Variants in POLG observed in about 807,000 individuals in gnomAD.
The protein encoded by POLG is DNA polymerase subunit gamma-1.
Under a neutral mutation model 155.4 loss-of-function variants are expected in POLG, and 110 were observed. That is an observed-to-expected ratio of 0.71 (90% confidence interval 0.61 to 0.83). The LOEUF (loss-of-function observed/expected upper bound fraction) is 0.83, where lower values mean the gene tolerates loss of function less well. Ranked by LOEUF, POLG falls within the 40% of genes least tolerant of loss-of-function variation. POLG has a pLI of 0.00. For missense variants in POLG, 1,685 were observed against 1,627.5 expected (o/e 1.04, Z -0.61); for synonymous variants, 701 against 631.5 (o/e 1.11, Z -1.65).
In POLG at chr15:89,322,753, A is replaced by T. The variant is rs1217321971; in HGVS notation, c.2415T>A (p.His805Gln). The change falls in exon 14 of 23, where the codon CAT becomes CAA. Residue 805 changes from histidine to glutamine, a missense_variant. By Grantham distance (24) the His-to-Gln change is conservative. Around this residue, in one of 3 missense-constraint regions of POLG, gnomAD observed 1,210 missense variants for 1,167.1 expected, o/e 1.04. Coordinates refer to ENST00000268124, the MANE Select transcript of POLG (RefSeq NM_002693.3). ...CCATGGTGGCCCACCTGATACGTTT[A>T]TGGGCGTTCCTCCAGAAAGAAATCA... ...NKMISFWRNA[H>Q]KRISSQMVVW... 4 of 1,614,068 alleles carry T rather than the reference A, an allele frequency of 2.5e-6. No homozygotes were observed. The highest frequency in any genetic ancestry group is 3.4e-6 in the Non-Finnish European group (4 of 1,180,000).
At position 89,326,632 on chromosome 15, in the gene POLG, C is replaced by T. The variant is rs149687731; in HGVS notation, c.1692G>A (p.Gln564=). The T allele has an allele frequency of 1.3e-5, 21 of 1,613,956 alleles. No individual in the cohort carries two copies. Among genetic ancestry groups the T allele is most frequent in the Non-Finnish European group, 1.8e-5 (21 of 1,180,014 alleles). Residue 564 remains glutamine (Q), a synonymous_variant, in exon 9 of 23, where the codon CAG becomes CAA. Transcript: ENST00000268124. ...CTCACCCAGGGTGTCCAGGAAGGTG[C>T]TGGGGCCGCTTGGGCAGGAGCTCTG... is the stretch of plus-strand genomic sequence containing the variant. ...GTTELLPKRP[Q]HLPGHPGWYR... is the part of the protein sequence containing the mutation.
intron 16 of POLG, 54 bp downstream of exon 16, chr15:89,321,682 T>G: frequency 7.5e-7 from 1 of 1,335,972 alleles, no homozygotes; most frequent in South Asian, 1.2e-5. Flanking sequence ...AGAGCCCAGT[T>G]TCTACAGACC....
At position 89,333,453 on chromosome 15, in the gene POLG, C is replaced by T; in HGVS notation, c.302G>A (p.Arg101His). The T allele has an allele frequency of 1.2e-6, 2 of 1,610,572 alleles. No homozygotes were observed. Among genetic ancestry groups the T allele is most frequent in the South Asian group, 1.1e-5 (1 of 91,078 alleles). The change falls in exon 2 of 23, where the codon CGC becomes CAC. Residue 101 changes from arginine (R) to histidine (H), a missense_variant. Arg to His is a conservative substitution (Grantham distance 29). This residue lies in a region of POLG where 1,210 missense variants were observed against 1,167.1 expected (regional missense o/e 1.04). Coordinates refer to ENST00000268124, the MANE Select transcript of POLG (RefSeq NM_002693.3). ...GGEMPGEAAV[R>H]RSVEHLQKHG... ...CTTCTGCAGGTGCTCGACGCTGCGGCGCACCGCGGCCTCGCCAGGCATCTC... is the reference window on the plus strand; with the variant it reads ...CTTCTGCAGGTGCTCGACGCTGCGGTGCACCGCGGCCTCGCCAGGCATCTC...
rs1260147650 is a variant in POLG at position 89,333,092 on chromosome 15, T to C, written c.659+4A>G. Reference sequence around the variant, plus strand: ...CTTATGTCCCCAACCCTGCCCCTACTTACCAGGCCGAGGGGGATATGGCCA... The same window carrying C: ...CTTATGTCCCCAACCCTGCCCCTACCTACCAGGCCGAGGGGGATATGGCCA... On this transcript the variant is annotated splice_donor_region_variant and intron_variant, in intron 2 of 22. Transcript: ENST00000268124. 2 of 1,511,632 alleles carry C rather than the reference T, an allele frequency of 1.3e-6. No homozygotes were observed. The allele number at this position is 1,511,632 out of a possible 1,614,324, so 93.6% of individuals were successfully genotyped here.
chr15:89,319,350 C>A lies in POLG; in HGVS notation c.2982G>T (p.Trp994Cys). Residue 994 changes from tryptophan to cysteine, a missense_variant and splice_region_variant, in exon 19 of 23, where the codon TGG (tryptophan) becomes TGT (cysteine). Physicochemically the swap from Trp to Cys is radical, Grantham distance 215. This residue lies in a region of POLG where 470 missense variants were observed against 439.9 expected (regional missense o/e 1.07). Coordinates refer to ENST00000268124, the MANE Select transcript of POLG (RefSeq NM_002693.3). The part of the protein sequence containing the change: ...QMYAATKGLR[W>C]YRLSDEGEWL... ...ACTCGCCCTCATCCGACAGCCGATA[C>A]CTGGGGGCAGTGTTATCACCATCAT... 7 of 1,613,888 alleles carry A rather than the reference C, an allele frequency of 4.3e-6. No homozygotes were observed. Among genetic ancestry groups the A allele is most frequent in the Non-Finnish European group, 5.9e-6 (7 of 1,180,024 alleles).
chr15:89,316,684 T>C lies in POLG; in HGVS notation c.*67A>G. On this transcript the variant is annotated 3_prime_UTR_variant, in exon 23 of 23. Coordinates refer to ENST00000268124, the MANE Select transcript of POLG (RefSeq NM_002693.3). ...TTTGCAAAAAGCACAGCTGAAAGCC[T>C]GAGTTTGGGAGCCTGCACCACCCCG... 7.3e-7 allele frequency: 1 copy of C among 1,371,414 alleles called. No homozygotes were observed. Among genetic ancestry groups the C allele is most frequent in the Non-Finnish European group, 1.0e-6 (1 of 964,190 alleles). The allele number at this position is 1,371,414 out of a possible 1,614,324, so 85.0% of individuals were successfully genotyped here. A position where few individuals can be genotyped will look rare whatever the true frequency, so the allele number is the denominator to read the frequency against.
intron 2 of POLG, among the ~76,000 whole-genome samples, chr15:89,330,764 A>G (rs1411824331): frequency 6.6e-6 from 1 of 150,634 alleles, no homozygotes; most frequent in East Asian, 1.9e-4. Context: ...GCTGCTGCAC[A>G]CATGTACAGG....
Position 89,333,617 on chromosome 15 carries a change from C to A in POLG, c.138G>T (p.Gln46His), listed in dbSNP as rs1234024731. Reference sequence around the variant, plus strand: ...GCTGTTGCTGCTGCTGCTGCTGCTGCTGCTGCTGCTGCCGCCGCCGCTGCC... The same window carrying A: ...GCTGTTGCTGCTGCTGCTGCTGCTGATGCTGCTGCTGCCGCCGCCGCTGCC... ...SDGQRRRQQQQQQQQQQQQQP... is the reference protein window; with the variant it reads ...SDGQRRRQQQHQQQQQQQQQP... The change falls in exon 2 of 23, where the codon CAG becomes CAT. Residue 46 changes from glutamine (Q) to histidine (H), a missense_variant. Transcript: ENST00000268124. 6.2e-7 allele frequency: 1 copy of A among 1,601,388 alleles called. No homozygotes were observed. Among genetic ancestry groups the A allele is most frequent in the Admixed American group, 1.7e-5 (1 of 59,160 alleles).
At chr15:89,319,510 G>A (rs1567185974) in intron 18 of POLG, 160 bp from the exon 19 acceptor site, 4 of 957,896 alleles carry the variant, frequency 4.2e-6, no homozygotes, top group Middle Eastern at 2.8e-4. Context: ...GCTCAGAGAG[G>A]CTAAGTGCCT....
intron 13 of POLG, 35 bp from the exon 14 acceptor site, chr15:89,322,937 G>A (rs2055417267): frequency 6.2e-7 from 1 of 1,606,694 alleles, no homozygotes; most frequent in Non-Finnish European, 8.5e-7. Flanking sequence ...GCTGGAGGCA[G>A]GTGGCAGACC....
chr15:89,316,992 A>C, intron 22 of POLG, 165 bp from the exon 23 acceptor site: 1 of 658,386 alleles, frequency 1.5e-6, no homozygotes, highest in Non-Finnish European at 2.7e-6. Context: ...TTTTCTTTTT[A>C]TATAAGTGTG....
In POLG at chr15:89,328,762, C is replaced by G; in HGVS notation, c.1093G>C (p.Gly365Arg). The change falls in exon 5 of 23, where the codon GGG (glycine) becomes CGG (arginine). Residue 365 changes from glycine to arginine, a missense_variant. Coordinates refer to ENST00000268124, the MANE Select transcript of POLG (RefSeq NM_002693.3). Reference sequence around the variant, plus strand: ...GGCTCCTTCTCTAAGGGAGGCCCCCCTACATAAAGTCTGTGCACCTCTGCC... The same window carrying G: ...GGCTCCTTCTCTAAGGGAGGCCCCCGTACATAAAGTCTGTGCACCTCTGCC... ...SLAEVHRLYV[G>R]GPPLEKEPRE... is the part of the protein sequence containing the mutation. The G allele has an allele frequency of 1.2e-6, 2 of 1,614,090 alleles. No homozygotes were observed. Among genetic ancestry groups the G allele is most frequent in the Non-Finnish European group, 1.7e-6 (2 of 1,179,990 alleles).
chr15:89,317,007 A>G, intron 22 of POLG, 180 bp from the exon 23 acceptor site: 1 of 625,308 alleles, frequency 1.6e-6, no homozygotes, highest in East Asian at 2.8e-5. Context: ...AGTGTGTCTT[A>G]GATATATTTT....
At chr15:89,323,572 T>C in intron 12 of POLG, 61 bp from the exon 13 acceptor site, 8 of 1,121,848 alleles carry the variant, frequency 7.1e-6, no homozygotes, top group South Asian at 5.0e-5. Context: ...GCAAGGGCCA[T>C]GGGGTAGGGG....
At chr15:89,330,828 C>T (rs1222430259) in intron 2 of POLG, among the ~76,000 whole-genome samples, 2 of 151,992 alleles carry the variant, frequency 1.3e-5, no homozygotes, top group Admixed American at 6.6e-5. Context: ...AAATCACACA[C>T]CTTGGAGAAG....
chr15:89,320,208 C>G (rs3176218), intron 18 of POLG, among the ~76,000 whole-genome samples: 3,384 of 152,288 alleles, frequency 0.022, 125 homozygotes, highest in African/African-American at 0.078. Flanking sequence ...TGTACTGTAC[C>G]TCAGGAAGTT....
In POLG at chr15:89,329,092, G is replaced by C; in HGVS notation, c.874C>G (p.Leu292Val). The C allele has an allele frequency of 6.2e-7, 1 of 1,612,510 alleles. No individual in the cohort carries two copies. Among genetic ancestry groups the C allele is most frequent in the Non-Finnish European group, 8.5e-7 (1 of 1,179,996 alleles). Reference sequence around the variant, plus strand: ...GCCATGTGCATGCTCATGGTGTCCAGGAAACGCATGCGGGAACCCTGAGGA... The same window carrying C: ...GCCATGTGCATGCTCATGGTGTCCACGAAACGCATGCGGGAACCCTGAGGA... ...YLIQGSRMRF[L>V]DTMSMHMAIS... The change falls in exon 4 of 23, where the codon CTG becomes GTG. Residue 292 changes from leucine to valine, a missense_variant. By Grantham distance (32) the Leu-to-Val change is conservative (BLOSUM62 1). Around this residue, in one of 3 missense-constraint regions of POLG, gnomAD observed 1,210 missense variants for 1,167.1 expected, o/e 1.04. Coordinates refer to ENST00000268124, the MANE Select transcript of POLG (RefSeq NM_002693.3).
intron 2 of POLG, 50 bp downstream of exon 2, chr15:89,333,046 T>TAA: frequency 6.7e-7 from 1 of 1,499,164 alleles, no homozygotes; most frequent in Admixed American, 2.3e-5. Context: ...AACAAACTAT[T>TAA]AAGCTGGGCC....
chr15:89,317,122 T>C (rs2055297265), intron 22 of POLG: 5 of 592,166 alleles, frequency 8.4e-6, no homozygotes, highest in Admixed American at 3.0e-5. Context: ...ATAAATTATC[T>C]TTAAACATTT....
Sources: gnomAD v4.1 joint callset for allele counts (sites outside exome capture counted in the v4.1 genomes callset) on GRCh38, gnomAD v4.1.1 for gene constraint, gnomAD v4.1.1 regional missense constraint, MANE v1.5 for transcripts, NCBI Gene and HGNC (gene_info 2026-07-23, HGNC 2026-07-21) for gene names.